RBFOX1: variants seen among roughly 807,000 people sequenced by gnomAD.
RBFOX1 encodes the protein RNA binding protein fox-1 homolog 1.
A neutral mutation model predicts 57.7 loss-of-function variants in RBFOX1; 8 were observed. The ratio of observed to expected loss-of-function variants is 0.14; its 90% CI spans 0.08 to 0.25. RBFOX1 has a LOEUF of 0.25. RBFOX1 is among the 10% of genes least tolerant of loss of function. The pLI, the probability that RBFOX1 is intolerant of heterozygous loss-of-function variation, is 1.00. For synonymous variants in RBFOX1, 326 were observed against 222.4 expected (o/e 1.47, Z -4.15); for missense variants, 611 against 548.5 (o/e 1.11, Z -1.14).
rs1301002117 is a variant in RBFOX1, at chr16:6,791,950, G to A, written c.-16+137300G>A. On this transcript the variant is annotated intron_variant, in intron 3 of 15. Coordinates refer to ENST00000550418, the MANE Select transcript of RBFOX1 (RefSeq NM_018723.4). ...CTAGAGACTGGAACTTAGGAGAGCC[G>A]AATTCTATTCCCAAATGTGTCTTGG... Among the ~76,000 whole-genome samples the A allele has an allele frequency of 5.9e-5, 9 of 152,124 alleles. No individual in the cohort carries two copies. The South Asian group carries it at 1.0e-3, about 18-fold the overall frequency.
chr16:6,791,064 A>G (rs986952726), intron 3 of RBFOX1, among the ~76,000 whole-genome samples: 2 of 151,822 alleles, frequency 1.3e-5, no homozygotes, highest in Non-Finnish European at 2.9e-5. Flanking sequence ...CCACCACAAT[A>G]CCTGACTAAT....
intron 9 of RBFOX1, among the ~76,000 whole-genome samples, chr16:7,599,222 A>C (rs2094876928): frequency 6.6e-6 from 1 of 152,222 alleles, no homozygotes; most frequent in East Asian, 1.9e-4. Context: ...GAAACTTGCC[A>C]GATTTCATAT....
chr16:6,609,387 C>A (rs980180041), intron 2 of RBFOX1, among the ~76,000 whole-genome samples: 2 of 151,806 alleles, frequency 1.3e-5, no homozygotes, highest in African/African-American at 4.8e-5. Context: ...CTCTGTTGTC[C>A]AGGCTGGAGT....
chr16:7,349,656 T>A (rs1195068957), intron 4 of RBFOX1, among the ~76,000 whole-genome samples: 1 of 152,102 alleles, frequency 6.6e-6, no homozygotes, highest in East Asian at 1.9e-4. Flanking sequence ...GAGGGTTGGG[T>A]TCAGAAAGAC....
At chr16:7,195,878 C>T (rs1318509384) in intron 4 of RBFOX1, among the ~76,000 whole-genome samples, 1 of 152,040 alleles carries the variant, frequency 6.6e-6, no homozygotes, top group Non-Finnish European at 1.5e-5. Context: ...TAGAAAGGTG[C>T]CTGGTTTATA....
At chr16:5,959,977 G>C (rs1001143252) in intron 4 of RBFOX1, among the ~76,000 whole-genome samples, 4 of 152,162 alleles carry the variant, frequency 2.6e-5, no homozygotes, top group Admixed American at 6.5e-5. Flanking sequence ...GAGGCGGGGG[G>C]ATCACCTGAG....
intron 2 of RBFOX1, among the ~76,000 whole-genome samples, chr16:6,439,974 G>C (rs201120338): frequency 1.3e-5 from 1 of 79,632 alleles, no homozygotes; most frequent in African/African-American, 5.8e-5. Flanking sequence ...GTGGCCATTA[G>C]TCTTACTCTG....
At chr16:5,904,702 GCA>G (rs2058402461) in intron 4 of RBFOX1, among the ~76,000 whole-genome samples, 1 of 152,064 alleles carries the variant, frequency 6.6e-6, no homozygotes, top group Non-Finnish European at 1.5e-5. Context: ...GATGGGCCGG[GCA>G]CAGTGTCTCG....
chr16:7,574,878 T>C (rs2093173027), intron 5 of RBFOX1, among the ~76,000 whole-genome samples: 1 of 152,116 alleles, frequency 6.6e-6, no homozygotes, highest in South Asian at 2.1e-4. Flanking sequence ...AGGCCACTCA[T>C]CTTGAGAACT....
At chr16:6,870,673 C>T (rs938815123) in intron 3 of RBFOX1, among the ~76,000 whole-genome samples, 2 of 152,130 alleles carry the variant, frequency 1.3e-5, no homozygotes, top group African/African-American at 4.8e-5. Context: ...ATTACCATAA[C>T]CATAATTTTA....
At chr16:7,100,336 A>G (rs1247480616) in intron 4 of RBFOX1, among the ~76,000 whole-genome samples, 1 of 152,130 alleles carries the variant, frequency 6.6e-6, no homozygotes, top group African/African-American at 2.4e-5. Context: ...GACATTATGA[A>G]AAAATTTGCT....
intron 3 of RBFOX1, among the ~76,000 whole-genome samples, chr16:6,996,243 C>A (rs987053464): frequency 2.0e-5 from 3 of 152,272 alleles, no homozygotes; most frequent in Admixed American, 1.3e-4. Context: ...TTAGCCTTTG[C>A]TTTTAAATTC....
chr16:6,326,891 A>C (rs1295495003), intron 2 of RBFOX1, among the ~76,000 whole-genome samples: 1 of 152,126 alleles, frequency 6.6e-6, no homozygotes, highest in Non-Finnish European at 1.5e-5. Flanking sequence ...CCAGGAAGGG[A>C]AATCTCCATG....
intron 4 of RBFOX1, among the ~76,000 whole-genome samples, chr16:5,954,444 G>T (rs894828117): frequency 6.6e-6 from 1 of 152,142 alleles, no homozygotes; most frequent in African/African-American, 2.4e-5. Flanking sequence ...AAATGATCTC[G>T]GTGAAGGTAC....
chr16:5,667,750 G>T (rs201134888), intron 3 of RBFOX1, among the ~76,000 whole-genome samples: 1 of 152,114 alleles, frequency 6.6e-6, no homozygotes, highest in East Asian at 1.9e-4. Context: ...CTTAGCTCTA[G>T]CACCAAGCCA....
chr16:5,610,578 G>T (rs2047743599), intron 3 of RBFOX1: 1 of 152,218 alleles, frequency 6.6e-6, no homozygotes, highest in Admixed American at 6.5e-5. Context: ...GTTAATCCCA[G>T]TGCTTTGGAG....
intron 3 of RBFOX1, among the ~76,000 whole-genome samples, chr16:7,016,145 A>AC (rs1022393506): frequency 5.9e-5 from 9 of 152,130 alleles, no homozygotes; most frequent in Non-Finnish European, 1.3e-4. Context: ...AGAGTGAGAC[A>AC]CCACCAGACA....
intron 1 of RBFOX1, among the ~76,000 whole-genome samples, chr16:6,196,203 G>T (rs2097178820): frequency 6.6e-6 from 1 of 152,106 alleles, no homozygotes; most frequent in Non-Finnish European, 1.5e-5. Flanking sequence ...AGTTAATTCA[G>T]CCATTTAAGG....
At chr16:5,520,375 G>C (rs568881745) in intron 2 of RBFOX1, among the ~76,000 whole-genome samples, 2 of 152,210 alleles carry the variant, frequency 1.3e-5, no homozygotes, top group Non-Finnish European at 2.9e-5. Flanking sequence ...GCAATCAAGA[G>C]GCAGAGTGGT....
Sources: gnomAD v4.1 joint callset for allele counts (sites outside exome capture counted in the v4.1 genomes callset) on GRCh38, gnomAD v4.1.1 for gene constraint, MANE v1.5 for transcripts, NCBI Gene and HGNC (gene_info 2026-07-23, HGNC 2026-07-21) for gene names.